The following ASAP1 variants were observed in gnomAD, a reference collection of about 807,000 sequenced individuals.
ASAP1 encodes arf-GAP with SH3 domain, ANK repeat and PH domain-containing protein 1.
ASAP1 carries 43 observed loss-of-function variants against 145.2 expected under a neutral mutation model. The observed-to-expected ratio is 0.30, with a 90% CI of 0.23 to 0.38. The LOEUF (loss-of-function observed/expected upper bound fraction) is 0.38, where lower values mean the gene tolerates loss of function less well. ASAP1 is among the 10% of genes least tolerant of loss of function. The pLI is 1.00. For missense variants in ASAP1, 1,018 were observed against 1,355.3 expected (o/e 0.75, Z 3.91); for synonymous variants, 546 against 515.5 (o/e 1.06, Z -0.80).
At chr8:130,395,663 C>A (rs1828493151) in intron 2 of ASAP1, among the ~76,000 whole-genome samples, 1 of 141,040 alleles carries the variant, frequency 7.1e-6, no homozygotes, top group South Asian at 2.2e-4. Flanking sequence ...AACTGTGAGA[C>A]AATACATTTC....
intron 3 of ASAP1, among the ~76,000 whole-genome samples, chr8:130,276,951 C>G (rs972554743): frequency 7.2e-5 from 11 of 152,144 alleles, no homozygotes; most frequent in Non-Finnish European, 1.6e-4. Context: ...AGGACTCTGC[C>G]TGCTGCTGAG....
intron 2 of ASAP1, among the ~76,000 whole-genome samples, chr8:130,387,672 AAG>A (rs1406725346): frequency 6.6e-6 from 1 of 151,840 alleles, no homozygotes; most frequent in Admixed American, 6.6e-5. Flanking sequence ...AAAAAAAAAA[AAG>A]CCCAAGTCCC....
rs116569585 is a variant in ASAP1 at position 130,104,166 on chromosome 8, G to A, written c.2401+7928C>T. On this transcript the variant is annotated intron_variant, in intron 24 of 29. Coordinates refer to ENST00000518721, the MANE Select transcript of ASAP1 (RefSeq NM_018482.4). ...ACACAACTGAAAAAGTACAGTAGAG[G>A]TTCCTCTTCAAAGACTTTCCTCCCC... 7.1e-3 allele frequency among the ~76,000 whole-genome samples: 1,075 copies of A among 152,294 alleles called. 15 individuals carry two copies. The highest frequency in any genetic ancestry group is 0.025 in the African/African-American group (1,029 of 41,562).
At chr8:130,420,185 A>C (rs1829658686) in intron 1 of ASAP1, among the ~76,000 whole-genome samples, 1 of 151,650 alleles carries the variant, frequency 6.6e-6, no homozygotes, top group Non-Finnish European at 1.5e-5. Context: ...ATGCAAATCA[A>C]AACCACAGTA....
intron 3 of ASAP1, among the ~76,000 whole-genome samples, chr8:130,327,438 G>A (rs1396264251): frequency 6.6e-6 from 1 of 152,152 alleles, no homozygotes; most frequent in Non-Finnish European, 1.5e-5. Flanking sequence ...GGAGCCTGAA[G>A]CTCTTCAGGA....
At chr8:130,071,080 A>G (rs554204147) in intron 27 of ASAP1, among the ~76,000 whole-genome samples, 1 of 150,044 alleles carries the variant, frequency 6.7e-6, no homozygotes, top group East Asian at 2.0e-4. Context: ...CTAAGAAAAA[A>G]AAGTATTTTT....
At chr8:130,414,086 G>A (rs1829376375) in intron 1 of ASAP1, among the ~76,000 whole-genome samples, 1 of 152,188 alleles carries the variant, frequency 6.6e-6, no homozygotes, top group Non-Finnish European at 1.5e-5. Context: ...TGGCTTCATG[G>A]GGGACATAGT....
chr8:130,126,124 AAGAC>A, intron 16 of ASAP1, 35 bp from the exon 17 acceptor site: 1 of 1,584,148 alleles, frequency 6.3e-7, no homozygotes. Context: ...TGAAACAAAA[AAGAC>A]ATCTAATTTT....
intron 3 of ASAP1, among the ~76,000 whole-genome samples, chr8:130,256,779 A>AGCT (rs1819590342): frequency 7.9e-6 from 1 of 127,120 alleles, no homozygotes; most frequent in African/African-American, 2.8e-5. Context: ...ATATATATAT[A>AGCT]TATCCTTATA....
At chr8:130,274,298 G>A (rs1820752081) in intron 3 of ASAP1, among the ~76,000 whole-genome samples, 1 of 152,190 alleles carries the variant, frequency 6.6e-6, no homozygotes. Flanking sequence ...GAAAGATGGA[G>A]GTTCAACTGG....
chr8:130,285,789 C>T (rs1009829096), intron 3 of ASAP1, among the ~76,000 whole-genome samples: 1 of 152,180 alleles, frequency 6.6e-6, no homozygotes, highest in South Asian at 2.1e-4. Context: ...TGCATATCAC[C>T]GTGGAAAGTT....
At chr8:130,298,987 T>C (rs1822459084) in intron 3 of ASAP1, among the ~76,000 whole-genome samples, 1 of 152,202 alleles carries the variant, frequency 6.6e-6, no homozygotes, top group Non-Finnish European at 1.5e-5. Flanking sequence ...GAACATAGCA[T>C]GTACTTTCGA....
chr8:130,427,801 T>C (rs780342227), intron 1 of ASAP1: 6 of 152,192 alleles, frequency 3.9e-5, no homozygotes, highest in Non-Finnish European at 7.3e-5. Flanking sequence ...CTCAATGCAA[T>C]GCACAGGGAG....
chr8:130,187,534 G>A (rs1814821876), intron 6 of ASAP1, among the ~76,000 whole-genome samples: 2 of 151,512 alleles, frequency 1.3e-5, no homozygotes, highest in South Asian at 4.1e-4. Context: ...TCCCACCTCA[G>A]CTTCCTGAGT....
At chr8:130,420,977 T>G (rs1829697869) in intron 1 of ASAP1, among the ~76,000 whole-genome samples, 1 of 152,012 alleles carries the variant, frequency 6.6e-6, no homozygotes, top group African/African-American at 2.4e-5. Flanking sequence ...TAATACCTAC[T>G]TGGTAGAATG....
chr8:130,220,787 G>C (rs1045755881), intron 4 of ASAP1, among the ~76,000 whole-genome samples: 2 of 152,164 alleles, frequency 1.3e-5, no homozygotes, highest in Non-Finnish European at 2.9e-5. Flanking sequence ...AGGAAACTTA[G>C]AGTCATGGTG....
At chr8:130,440,139 A>G (rs1830441877) in intron 1 of ASAP1, among the ~76,000 whole-genome samples, 1 of 151,948 alleles carries the variant, frequency 6.6e-6, no homozygotes, top group Non-Finnish European at 1.5e-5. Flanking sequence ...CTCTACCTCC[A>G]TTGCTGCTGT....
At chr8:130,309,813 G>T (rs751236258) in intron 3 of ASAP1, among the ~76,000 whole-genome samples, 4 of 152,162 alleles carry the variant, frequency 2.6e-5, no homozygotes, top group Non-Finnish European at 5.9e-5. Flanking sequence ...AAGCTGTACT[G>T]CCAGGTGAAC....
intron 1 of ASAP1, among the ~76,000 whole-genome samples, chr8:130,442,087 GT>G (rs921672637): frequency 6.6e-6 from 1 of 151,868 alleles, no homozygotes; most frequent in Non-Finnish European, 1.5e-5. Context: ...GGTGATTTTT[GT>G]TTTTTTTAAC....
Sources: allele counts gnomAD v4.1 joint callset (sites outside exome capture counted in the v4.1 genomes callset), GRCh38; gene constraint gnomAD v4.1.1; transcripts MANE v1.5; gene names NCBI Gene and HGNC (gene_info 2026-07-23, HGNC 2026-07-21).